MTA3: variants seen among roughly 807,000 people sequenced by gnomAD.
The protein encoded by MTA3 is metastasis associated 1 family member 3.
Under a neutral mutation model 83.5 loss-of-function variants are expected in MTA3, and 34 were observed. The observed-to-expected ratio is 0.41, with a 90% CI of 0.31 to 0.54. MTA3 has a LOEUF of 0.54. Among genes scored for constraint, MTA3 ranks in the 20% least tolerant of loss-of-function variants. MTA3 has a pLI of 0.33. For missense variants in MTA3, 761 were observed against 726.4 expected (o/e 1.05, Z -0.55); for synonymous variants, 303 against 252.7 (o/e 1.20, Z -1.89).
chr2:42,675,494 C>T (rs1168972282), intron 8 of MTA3, among the ~76,000 whole-genome samples: 1 of 151,938 alleles, frequency 6.6e-6, no homozygotes, highest in East Asian at 1.9e-4. Context: ...TATAGAGTGC[C>T]CTACAGTTTG....
chr2:42,623,969 C>T (rs182272501), intron 4 of MTA3, among the ~76,000 whole-genome samples: 3 of 152,132 alleles, frequency 2.0e-5, no homozygotes, highest in African/African-American at 4.8e-5. Flanking sequence ...CCACCTCGGC[C>T]TCCCAAAGTG....
At chr2:42,731,633 T>G (rs1290875906) in intron 16 of MTA3, among the ~76,000 whole-genome samples, 1 of 152,144 alleles carries the variant, frequency 6.6e-6, no homozygotes, top group South Asian at 2.1e-4. Flanking sequence ...GGAGATACAA[T>G]TCAAGTTGAG....
chr2:42,593,679 CTATCTT>C (rs1681312955), intron 3 of MTA3, among the ~76,000 whole-genome samples: 2 of 144,964 alleles, frequency 1.4e-5, no homozygotes, highest in South Asian at 4.6e-4. Flanking sequence ...ACTATGGCAT[CTATCTT>C]TATTTATTTA....
rs1007189120 is a variant in MTA3 at position 42,717,534 on chromosome 2, CTTTA to C, written c.1526-1450_1526-1447del. 7.2e-5 allele frequency among the ~76,000 whole-genome samples: 11 copies of C among 152,254 alleles called. No individual in the cohort carries two copies. The South Asian group carries it at 1.9e-3, about 26-fold the overall frequency. ...AAACACAGAATGTTTGTATTGTATG[CTTTA>C]TTTTTGTCTGAAAATGTCTTACAAT... On this transcript the variant is annotated intron_variant, in intron 14 of 16. Coordinates refer to ENST00000405094, the MANE Select transcript of MTA3 (RefSeq NM_001330442.2).
intron 16 of MTA3, among the ~76,000 whole-genome samples, chr2:42,750,313 TTCTCTGTTTCTTC>T (rs1344269898): frequency 4.6e-5 from 7 of 152,262 alleles, no homozygotes; most frequent in Admixed American, 6.5e-5. Flanking sequence ...TTAAGTATTC[TTCTCTGTTTCTTC>T]TCTCTGTTTC....
chr2:42,705,268 T>C (rs980670187), intron 12 of MTA3, among the ~76,000 whole-genome samples: 1 of 152,210 alleles, frequency 6.6e-6, no homozygotes, highest in Non-Finnish European at 1.5e-5. Flanking sequence ...TGTGGAAAAT[T>C]AAGATTTTTT....
At chr2:42,600,410 A>G (rs1241459143) in intron 3 of MTA3, among the ~76,000 whole-genome samples, 1 of 152,064 alleles carries the variant, frequency 6.6e-6, no homozygotes, top group Non-Finnish European at 1.5e-5. Flanking sequence ...ATGGTAGACT[A>G]TTAATTTTCT....
chr2:42,537,998 C>T (rs1303222666), intron 2 of MTA3, among the ~76,000 whole-genome samples: 3 of 151,874 alleles, frequency 2.0e-5, no homozygotes, highest in African/African-American at 4.8e-5. Context: ...TTTGGGTGGC[C>T]GAGGCAGGCA....
At chr2:42,517,079 G>C (rs1379209198) in intron 2 of MTA3, among the ~76,000 whole-genome samples, 1 of 151,984 alleles carries the variant, frequency 6.6e-6, no homozygotes, top group Non-Finnish European at 1.5e-5. Context: ...GACCAACATG[G>C]GGAAACCCCA....
intron 4 of MTA3, among the ~76,000 whole-genome samples, chr2:42,618,449 G>A (rs970038623): frequency 2.0e-5 from 3 of 152,112 alleles, no homozygotes; most frequent in Non-Finnish European, 4.4e-5. Context: ...TTAGCTGTAT[G>A]TTAAAAATTT....
Position 42,755,754 on chromosome 2 carries a change from G to C in MTA3, c.*2355G>C. 1 of 985,654 alleles carries C rather than the reference G, an allele frequency of 1.0e-6. No individual in the cohort carries two copies. The highest frequency in any genetic ancestry group is 4.7e-5 in the South Asian group (1 of 21,292). The allele number at this position is 985,654 out of a possible 1,614,324, so 61.1% of individuals were successfully genotyped here. On this transcript the variant is annotated 3_prime_UTR_variant, in exon 17 of 17. Coordinates refer to ENST00000405094, the MANE Select transcript of MTA3 (RefSeq NM_001330442.2). Reference sequence around the variant, plus strand: ...TGGGGCCATGGTGTCCCTGCTGTGTGTCAGTGGCATGTCACTGTGGTTCAG... The same window carrying C: ...TGGGGCCATGGTGTCCCTGCTGTGTCTCAGTGGCATGTCACTGTGGTTCAG...
At chr2:42,732,110 T>C (rs13386994) in intron 16 of MTA3, among the ~76,000 whole-genome samples, 83,100 of 151,702 alleles carry the variant, frequency 0.55, 23,353 homozygotes, top group East Asian at 0.69. Context: ...GGTGGCCCTC[T>C]TCTCACGGCT....
At chr2:42,677,377 C>G (rs888112099) in intron 8 of MTA3, among the ~76,000 whole-genome samples, 5 of 152,050 alleles carry the variant, frequency 3.3e-5, no homozygotes, top group African/African-American at 1.2e-4. Context: ...GAGTCTCGCT[C>G]TGTCACCCAG....
chr2:42,724,985 C>T (rs190726801), intron 16 of MTA3, among the ~76,000 whole-genome samples: 7 of 152,150 alleles, frequency 4.6e-5, no homozygotes, highest in African/African-American at 1.4e-4. Context: ...GGGGAAAGAC[C>T]CATCTTATTT....
intron 15 of MTA3, among the ~76,000 whole-genome samples, chr2:42,721,478 C>T (rs1573755520): frequency 6.6e-6 from 1 of 152,056 alleles, no homozygotes; most frequent in East Asian, 1.9e-4. Flanking sequence ...CAGGTGTGCA[C>T]CACCACACTT....
chr2:42,712,364 C>A (rs1027445534), intron 14 of MTA3, among the ~76,000 whole-genome samples: 2 of 151,894 alleles, frequency 1.3e-5, no homozygotes, highest in Non-Finnish European at 2.9e-5. Flanking sequence ...GTGGTACCAT[C>A]ATAGCTCAGT....
intron 6 of MTA3, among the ~76,000 whole-genome samples, chr2:42,655,899 A>G: frequency 6.6e-6 from 1 of 152,200 alleles, no homozygotes; most frequent in Non-Finnish European, 1.5e-5. Flanking sequence ...CACCGCACCC[A>G]GCCTGTTGCA....
At position 42,504,406 on chromosome 2, in the gene MTA3, A is replaced by G. The variant is rs187670677; in HGVS notation, c.-141+9152A>G. ...AGGCATGCACCACCATGCCTGGCTA[A>G]TATTTTGTATTTTTAGTAGAGATGG... is the stretch of plus-strand genomic sequence containing the variant. On this transcript the variant is annotated intron_variant, in intron 2 of 17. Transcript: ENST00000405592. 2.8e-3 allele frequency among the ~76,000 whole-genome samples: 423 copies of G among 151,860 alleles called. 4 individuals are homozygous for G. Among genetic ancestry groups the G allele is most frequent in the African/African-American group, 9.9e-3 (409 of 41,408 alleles).
chr2:42,593,276 T>C (rs2374422), intron 3 of MTA3, among the ~76,000 whole-genome samples: 113,763 of 151,396 alleles, frequency 0.75, 43,108 homozygotes, highest in South Asian at 0.88. Flanking sequence ...CACTTGAGGT[T>C]AGGACATTGA....
Sources: allele counts gnomAD v4.1 joint callset (sites outside exome capture counted in the v4.1 genomes callset), GRCh38; gene constraint gnomAD v4.1.1; transcripts MANE v1.5; gene names NCBI Gene and HGNC (gene_info 2026-07-23, HGNC 2026-07-21).